LNP1: variants seen among roughly 807,000 people sequenced by gnomAD.
LNP1 encodes the protein leukemia NUP98 fusion partner 1.
Under a neutral mutation model 14.5 loss-of-function variants are expected in LNP1, and 12 were observed. The observed-to-expected ratio is 0.83, with a 90% CI of 0.53 to 1.34. The LOEUF (loss-of-function observed/expected upper bound fraction) is 1.34, where lower values mean the gene tolerates loss of function less well. LNP1 is among the 40% of genes most tolerant of loss of function. The pLI is 0.00. For missense variants in LNP1, 198 were observed against 210.9 expected (o/e 0.94, Z 0.38); for synonymous variants, 75 against 71.4 (o/e 1.05, Z -0.26).
chr3:100,418,345 A>G (rs538714830), intron 1 of LNP1, among the ~76,000 whole-genome samples: 4 of 152,056 alleles, frequency 2.6e-5, no homozygotes, highest in South Asian at 4.1e-4. Flanking sequence ...GGCATGAGCC[A>G]CCATGCTCCG....
intron 2 of LNP1, among the ~76,000 whole-genome samples, chr3:100,437,935 A>T (rs1204921280): frequency 3.3e-5 from 5 of 152,212 alleles, no homozygotes; most frequent in Non-Finnish European, 7.3e-5. Context: ...CACTAGTCAC[A>T]TAAGTCTTAG....
chr3:100,455,726 T>A, intron 3 of LNP1, 51 bp from the exon 4 acceptor site: 7 of 1,557,364 alleles, frequency 4.5e-6, no homozygotes, highest in Non-Finnish European at 6.2e-6. Context: ...AAATGTGGAG[T>A]GTTGTCAGCT....
chr3:100,426,345 C>T (rs1042702863), intron 1 of LNP1, among the ~76,000 whole-genome samples: 23 of 152,184 alleles, frequency 1.5e-4, no homozygotes, highest in African/African-American at 4.1e-4. Context: ...CAGTATCAAG[C>T]TTAGCATAAG....
intron 1 of LNP1, among the ~76,000 whole-genome samples, chr3:100,426,432 A>G (rs1707193220): frequency 6.6e-6 from 1 of 152,244 alleles, no homozygotes; most frequent in Non-Finnish European, 1.5e-5. Flanking sequence ...CAGCAAAGCC[A>G]AGAAGATACA....
At chr3:100,449,815 T>C (rs911347562) in intron 2 of LNP1, among the ~76,000 whole-genome samples, 1 of 152,122 alleles carries the variant, frequency 6.6e-6, no homozygotes. Flanking sequence ...CATATTTTAG[T>C]TAGGAAAAAT....
intron 2 of LNP1, among the ~76,000 whole-genome samples, chr3:100,435,195 G>T (rs1165396376): frequency 6.6e-6 from 1 of 152,190 alleles, no homozygotes; most frequent in Non-Finnish European, 1.5e-5. Flanking sequence ...AACTCTATAG[G>T]GAGCTTTTAG....
chr3:100,422,210 G>A (rs1224857794), intron 1 of LNP1, among the ~76,000 whole-genome samples: 1 of 135,354 alleles, frequency 7.4e-6, no homozygotes, highest in Non-Finnish European at 1.5e-5. Context: ...TTGCTATGGA[G>A]TCTTGCTTAG....
chr3:100,410,232 T>C (rs1707019623), intron 1 of LNP1, among the ~76,000 whole-genome samples: 1 of 152,128 alleles, frequency 6.6e-6, no homozygotes, highest in Non-Finnish European at 1.5e-5. Flanking sequence ...GAAATTTTGG[T>C]GAGGGGTCAG....
In LNP1 at chr3:100,435,163, T is replaced by C. The variant is rs190147628; in HGVS notation, c.156+5278T>C. Among the ~76,000 whole-genome samples the C allele has an allele frequency of 7.2e-5, 11 of 152,326 alleles. No individual in the cohort carries two copies. The East Asian group carries it at 2.1e-3, about 29-fold the overall frequency. The stretch of plus-strand genomic sequence containing the variant: ...TAATCCAAGGAAATGAAACTAATGA[T>C]AGAAATTCAGGTACCAGTGAGAACT... On this transcript the variant is annotated intron_variant, in intron 2 of 3. Coordinates refer to ENST00000383693, the MANE Select transcript of LNP1 (RefSeq NM_001085451.2).
In LNP1 at chr3:100,431,714, G is replaced by A. The variant is rs186986906; in HGVS notation, c.156+1829G>A. On this transcript the variant is annotated intron_variant, in intron 2 of 3. Coordinates refer to ENST00000383693, the MANE Select transcript of LNP1 (RefSeq NM_001085451.2). ...GTAATCAAATATTCTTACTTTTGGC[G>A]TGGTGCCATGGTTCACACCTGGAAT... Among the ~76,000 whole-genome samples, 101 of 151,070 alleles carry A rather than the reference G, an allele frequency of 6.7e-4. 1 individual carries two copies. Among genetic ancestry groups the A allele is most frequent in the African/African-American group, 6.8e-4 (28 of 41,128 alleles).
intron 1 of LNP1, among the ~76,000 whole-genome samples, chr3:100,418,853 C>A (rs1057250723): frequency 1.3e-5 from 2 of 152,182 alleles, no homozygotes; most frequent in Non-Finnish European, 2.9e-5. Context: ...TTACCACAGG[C>A]TTTTTGTACT....
intron 1 of LNP1, among the ~76,000 whole-genome samples, chr3:100,411,291 C>T (rs1170912058): frequency 6.6e-6 from 1 of 152,224 alleles, no homozygotes; most frequent in Admixed American, 6.5e-5. Context: ...AGGTTCACAC[C>T]TGCAGAGAAT....
At chr3:100,451,661 C>T (rs756450633) in intron 2 of LNP1, 58 bp from the exon 3 acceptor site, 6 of 541,934 alleles carry the variant, frequency 1.1e-5, no homozygotes, top group Non-Finnish European at 1.8e-5. Context: ...CATTCTGCCT[C>T]TGTGCTAACA....
At chr3:100,409,985 A>G (rs1048726184) in intron 1 of LNP1, among the ~76,000 whole-genome samples, 1 of 152,002 alleles carries the variant, frequency 6.6e-6, no homozygotes, top group African/African-American at 2.4e-5. Flanking sequence ...CTATCTATCT[A>G]TCTATCTATC....
intron 1 of LNP1, among the ~76,000 whole-genome samples, chr3:100,416,607 G>T (rs965575546): frequency 1.5e-4 from 22 of 145,182 alleles, no homozygotes; most frequent in Admixed American, 1.2e-3. Context: ...TTTTGTGTGT[G>T]TGTGTGTGTG....
chr3:100,438,887 A>C (rs142886315), intron 2 of LNP1, among the ~76,000 whole-genome samples: 9 of 152,186 alleles, frequency 5.9e-5, no homozygotes, highest in African/African-American at 2.2e-4. Flanking sequence ...AGGCTATTTT[A>C]AGCCATTTGG....
intron 1 of LNP1, among the ~76,000 whole-genome samples, chr3:100,417,716 T>A (rs1707100109): frequency 6.6e-6 from 1 of 152,128 alleles, no homozygotes; most frequent in South Asian, 2.1e-4. Context: ...AATCTTTTTT[T>A]CTTTTCAGGA....
intron 1 of LNP1, among the ~76,000 whole-genome samples, chr3:100,420,352 C>T (rs1392652899): frequency 2.0e-5 from 3 of 152,082 alleles, no homozygotes; most frequent in Non-Finnish European, 4.4e-5. Flanking sequence ...TTTACTGTCA[C>T]TCATGGTGGA....
chr3:100,418,973 T>C (rs547445935), intron 1 of LNP1, among the ~76,000 whole-genome samples: 4 of 152,312 alleles, frequency 2.6e-5, no homozygotes, highest in African/African-American at 9.6e-5. Flanking sequence ...TGTTCTCAGG[T>C]CTAGAGGATG....
Sources: gnomAD v4.1 joint callset for allele counts (sites outside exome capture counted in the v4.1 genomes callset) on GRCh38, gnomAD v4.1.1 for gene constraint, MANE v1.5 for transcripts, NCBI Gene and HGNC (gene_info 2026-07-23, HGNC 2026-07-21) for gene names.